PSMC2: variants seen among roughly 807,000 people sequenced by gnomAD.
The protein encoded by PSMC2 is 26S proteasome regulatory subunit 7.
Under a neutral mutation model 53.3 loss-of-function variants are expected in PSMC2, and 7 were observed. The ratio of observed to expected loss-of-function variants is 0.13; its 90% CI spans 0.07 to 0.25. The LOEUF (loss-of-function observed/expected upper bound fraction) is 0.25, where lower values mean the gene tolerates loss of function less well. Ranked by LOEUF, PSMC2 falls within the 10% of genes least tolerant of loss-of-function variation. PSMC2 has a pLI of 1.00. For synonymous variants in PSMC2, 169 were observed against 183.9 expected (o/e 0.92, Z 0.66); for missense variants, 241 against 544.0 (o/e 0.44, Z 5.54).
intron 5 of PSMC2, 67 bp downstream of exon 5, chr7:103,362,155 G>C (rs776903889): frequency 6.3e-7 from 1 of 1,591,548 alleles, no homozygotes; most frequent in Non-Finnish European, 8.5e-7. Flanking sequence ...TCATATCCTT[G>C]GCTTTGTAGT....
chr7:103,367,789 G>A lies in PSMC2; in HGVS notation c.1124G>A (p.Arg375Gln), dbSNP rs371675280. ...GATATCAGATTTGAACTGTTAGCAC[G>A]ACTGTGTCCAAATAGCACTGGTAAG... ...ERDIRFELLA[R>Q]LCPNSTGAEI... The change falls in exon 11 of 12, where the codon CGA (arginine) becomes CAA (glutamine). Residue 375 changes from arginine (R) to glutamine (Q), a missense_variant. Physicochemically the swap from Arg to Gln is conservative, Grantham distance 43 (BLOSUM62 1). Coordinates refer to ENST00000292644, the MANE Select transcript of PSMC2 (RefSeq NM_002803.4). The surrounding 1 kb of genome is among the most constrained non-coding windows in gnomAD (Gnocchi z 6.1). The A allele has an allele frequency of 5.6e-6, 9 of 1,613,626 alleles. No individual in the cohort carries two copies. The highest frequency in any genetic ancestry group is 7.6e-6 in the Non-Finnish European group (9 of 1,179,716).
At chr7:103,364,954 C>CATATAT (rs1554575463) in intron 8 of PSMC2, among the ~76,000 whole-genome samples, 4 of 38,962 alleles carry the variant, frequency 1.0e-4, no homozygotes, top group Non-Finnish European at 1.3e-4. Context: ...TGTTTGTAGA[C>CATATAT]ATACATATAT....
At chr7:103,352,481 C>CT (rs1183802983) in intron 1 of PSMC2, among the ~76,000 whole-genome samples, 3 of 148,710 alleles carry the variant, frequency 2.0e-5, no homozygotes, top group Non-Finnish European at 4.4e-5. Context: ...ACAATCTCAG[C>CT]TTGCTGTGGC....
At chr7:103,347,596 A>AG (rs1819630114), upstream of PSMC2, 2 of 1,197,028 alleles carry the variant, frequency 1.7e-6, no homozygotes, top group African/African-American at 1.5e-5. Flanking sequence ...CACTGCATAA[A>AG]GGGGTCTGTC....
intron 4 of PSMC2, 34 bp downstream of exon 4, chr7:103,355,827 G>C (rs762071287): frequency 1.2e-5 from 17 of 1,477,946 alleles, no homozygotes; most frequent in Admixed American, 3.4e-5. Flanking sequence ...ACTTACCTTT[G>C]TCTGTATTTT....
At chr7:103,349,799 T>C (rs751870065) in intron 1 of PSMC2, among the ~76,000 whole-genome samples, 2 of 152,188 alleles carry the variant, frequency 1.3e-5, no homozygotes, top group African/African-American at 2.4e-5. Flanking sequence ...TTGGTCCTAA[T>C]TGCAGTTAAC....
intron 9 of PSMC2, 103 bp downstream of exon 9, chr7:103,366,266 C>T: frequency 1.0e-6 from 1 of 1,000,048 alleles, no homozygotes; most frequent in African/African-American, 1.6e-5. Context: ...TTAACTCCAA[C>T]TCTTCTATGA....
Position 103,363,436 on chromosome 7 carries a change from TCATGTAAGTA to T in PSMC2, c.589_591+7del. 1 of 1,605,918 alleles carries T rather than the reference TCATGTAAGTA, an allele frequency of 6.2e-7. No homozygotes were observed. The highest frequency in any genetic ancestry group is 1.3e-5 in the African/African-American group (1 of 74,864). On this transcript the variant is annotated splice_donor_variant and splice_donor_5th_base_variant and coding_sequence_variant and intron_variant, in exon 7 of 12. Transcript: ENST00000292644. LOFTEE classifies it high-confidence loss of function. ...GAGAAGTAGTTGAAACCCCATTACTTCATGTAAGTAGCTGAGTGTTGTATTTAAATTTCTT... is the reference window on the plus strand; with the variant it reads ...GAGAAGTAGTTGAAACCCCATTACTTGCTGAGTGTTGTATTTAAATTTCTT...
intron 2 of PSMC2, 73 bp downstream of exon 2, chr7:103,354,031 CA>C: frequency 8.6e-7 from 1 of 1,158,702 alleles, no homozygotes. Context: ...ATTGTCCTTC[CA>C]AAATAATTAG....
chr7:103,348,075 G>A (rs115402598), intron 1 of PSMC2, among the ~76,000 whole-genome samples: 5 of 152,086 alleles, frequency 3.3e-5, no homozygotes, highest in Non-Finnish European at 7.4e-5. Flanking sequence ...TCTGCCTGGC[G>A]GTGCTCGGTC....
Position 103,367,798 on chromosome 7 carries a change from C to T in PSMC2, c.1133C>T (p.Pro378Leu). The change falls in exon 11 of 12, where the codon CCA (proline) becomes CTA (leucine). Residue 378 changes from proline (P) to leucine (L), a missense_variant. Physicochemically the swap from Pro to Leu is moderately conservative, Grantham distance 98 (BLOSUM62 -3). Around this residue, in one of 6 missense-constraint regions of PSMC2, gnomAD observed 60 missense variants for 115.8 expected, o/e 0.52. Transcript: ENST00000292644. The surrounding 1 kb of genome is among the most constrained non-coding windows in gnomAD (Gnocchi z 6.1). ...TTTGAACTGTTAGCACGACTGTGTC[C>T]AAATAGCACTGGTAAGTAGAAAGTT... The part of the protein sequence containing the change: ...IRFELLARLC[P>L]NSTGAEIRSV... The T allele has an allele frequency of 6.2e-7, 1 of 1,613,346 alleles. No homozygotes were observed. Among genetic ancestry groups the T allele is most frequent in the Middle Eastern group, 1.6e-4 (1 of 6,062 alleles).
rs1194402837 is a variant in PSMC2, at chr7:103,368,039, C to T, written c.1287C>T (p.Tyr429=). Residue 429 remains tyrosine, a synonymous_variant, in exon 12 of 12, where the codon TAC becomes TAT. Transcript: ENST00000292644. ...CCAAATTCAGTGCTACTCCTCGTTACATGACATACAACTGAACCCTGAAGG... is the reference window on the plus strand; with the variant it reads ...CCAAATTCAGTGCTACTCCTCGTTATATGACATACAACTGAACCCTGAAGG... ...SYAKFSATPR[Y]MTYN 2 of 1,613,140 alleles carry T rather than the reference C, an allele frequency of 1.2e-6. No homozygotes were observed. The highest frequency in any genetic ancestry group is 1.7e-6 in the Non-Finnish European group (2 of 1,179,540).
intron 1 of PSMC2, among the ~76,000 whole-genome samples, chr7:103,349,366 C>T (rs2116112151): frequency 6.6e-6 from 1 of 152,162 alleles, no homozygotes; most frequent in Non-Finnish European, 1.5e-5. Flanking sequence ...TGGGTTTGTT[C>T]TTCTGTAAAA....
rs139511699 is a variant in PSMC2, at chr7:103,367,075, C to T, written c.845-338C>T. Among the ~76,000 whole-genome samples the T allele has an allele frequency of 1.3e-5, 2 of 152,278 alleles. No homozygotes were observed. The highest frequency in any genetic ancestry group is 4.8e-5 in the African/African-American group (2 of 41,560). ...ACTAATCTCTGAGCCTCAGTTTGCT[C>T]ATCTTATAAAGGGAATAATTGTTGT... On this transcript the variant is annotated intron_variant, in intron 9 of 11. Transcript: ENST00000292644. This position sits in a 1 kb window ranked among gnomAD's most constrained non-coding sequence, Gnocchi z 6.1.
chr7:103,354,093 A>C (rs1819887277), intron 2 of PSMC2, 135 bp downstream of exon 2: 1 of 679,442 alleles, frequency 1.5e-6, no homozygotes, highest in South Asian at 2.4e-5. Context: ...ATAAAATAAA[A>C]AGAAACAATT....
intron 1 of PSMC2, chr7:103,352,879 C>A (rs867364313): frequency 1.3e-6 from 1 of 780,904 alleles, no homozygotes; most frequent in Non-Finnish European, 2.4e-6. Flanking sequence ...TTGGATTACA[C>A]GGCATTTCCC....
At chr7:103,354,585 G>A (rs2116150749) in intron 2 of PSMC2, among the ~76,000 whole-genome samples, 1 of 152,028 alleles carries the variant, frequency 6.6e-6, no homozygotes, top group Middle Eastern at 3.4e-3. Flanking sequence ...GGCCAGGCTG[G>A]TCTTGAATTA....
At chr7:103,348,590 C>T (rs546044321) in intron 1 of PSMC2, 25 of 990,156 alleles carry the variant, frequency 2.5e-5, no homozygotes, top group African/African-American at 2.2e-4. Context: ...TCGTTGCACT[C>T]TGAGACCAAG....
rs1819633722 is a variant in PSMC2, at chr7:103,347,710, A to C, written c.-2A>C. 1 of 1,613,958 alleles carries C rather than the reference A, an allele frequency of 6.2e-7. No homozygotes were observed. ...GGAGCGGAGGCTTTTGGAGCTGCTA[A>C]AATGCCGGATTACCTCGGTGCCGAT... is the stretch of plus-strand genomic sequence containing the variant. On this transcript the variant is annotated 5_prime_UTR_variant, in exon 1 of 12. Coordinates refer to ENST00000292644, the MANE Select transcript of PSMC2 (RefSeq NM_002803.4).
Sources: allele counts gnomAD v4.1 joint callset (sites outside exome capture counted in the v4.1 genomes callset), GRCh38; gene constraint gnomAD v4.1.1; regional missense constraint gnomAD v4.1.1; non-coding constraint Gnocchi (gnomAD v3.1); transcripts MANE v1.5; gene names NCBI Gene and HGNC (gene_info 2026-07-23, HGNC 2026-07-21).